BAIAP2L2: variants seen among roughly 807,000 people sequenced by gnomAD.
BAIAP2L2 encodes the protein BAR/IMD domain containing adaptor protein 2 like 2.
A neutral mutation model predicts 60.4 loss-of-function variants in BAIAP2L2; 65 were observed. That is an observed-to-expected ratio of 1.08 (90% CI 0.88 to 1.32). The LOEUF (loss-of-function observed/expected upper bound fraction) is 1.32, where lower values mean the gene tolerates loss of function less well. BAIAP2L2 is among the 40% of genes most tolerant of loss of function. BAIAP2L2 has a pLI of 0.00. For missense variants in BAIAP2L2, 836 were observed against 741.2 expected, an observed-to-expected ratio of 1.13 and a Z score of -1.48; for synonymous variants, 344 against 301.7, an observed-to-expected ratio of 1.14 and a Z score of -1.45.
rs553752701 is a variant in BAIAP2L2, at chr22:38,098,121, C to T, written c.407G>A (p.Cys136Tyr). The change falls in exon 6 of 14, where the codon TGC becomes TAC. Residue 136 changes from cysteine (C) to tyrosine (Y), a missense_variant. Transcript: ENST00000381669. ...CTCCATGCGCCACAGCTCAGACATG[C>T]ACTTCTCCAGGTTGGCCGCTCGGTG... Reference protein sequence around the residue: ...YRHRAANLEKCMSELWRMERK... With the variant: ...YRHRAANLEKYMSELWRMERK... 1.7e-5 allele frequency: 27 copies of T among 1,610,694 alleles called. No homozygotes were observed. The East Asian group carries it at 5.4e-4, about 32-fold the overall frequency.
rs757193419 is a variant in BAIAP2L2 at position 38,088,925 on chromosome 22, T to A, written c.941A>T (p.Asn314Ile). The change falls in exon 10 of 14, where the codon AAC becomes ATC. Residue 314 changes from asparagine (N) to isoleucine (I), a missense_variant. Transcript: ENST00000381669. ...YSGSAQSSRS[N>I]SFGERPGGGG... ...GCCGCCCGGGCGCTCGCCAAAGGAG[T>A]TGGAGCGCGAGCTTTGGGCGCTGCC... The A allele has an allele frequency of 1.2e-5, 18 of 1,545,370 alleles. No homozygotes were observed. The East Asian group carries it at 4.3e-4, about 37-fold the overall frequency.
chr22:38,086,225 G>A lies in BAIAP2L2; in HGVS notation c.1467+17C>T, dbSNP rs1339612152. 2.5e-6 allele frequency: 4 copies of A among 1,607,784 alleles called. No homozygotes were observed. The Admixed American group carries it at 6.7e-5, about 27-fold the overall frequency. ...CTGCCCGCTGGAGGCCCCAAGAGAG[G>A]GCGGGCAAGGGCTCACCTTGACGTC... is the stretch of plus-strand genomic sequence containing the variant. On this transcript the variant is annotated intron_variant, in intron 12 of 13. Transcript: ENST00000381669.
chr22:38,099,150 C>A (rs1321195093), intron 4 of BAIAP2L2, among the ~76,000 whole-genome samples: 1 of 152,236 alleles, frequency 6.6e-6, no homozygotes, highest in Non-Finnish European at 1.5e-5. Context: ...GAAGCTTCGT[C>A]CTCATTCTAG....
intron 4 of BAIAP2L2, among the ~76,000 whole-genome samples, chr22:38,104,055 T>C (rs2086616094): frequency 6.6e-6 from 1 of 152,196 alleles, no homozygotes; most frequent in Non-Finnish European, 1.5e-5. Flanking sequence ...CTTCAGAGGA[T>C]GACAGGGCAC....
At chr22:38,095,169 C>G (rs945502097) in intron 7 of BAIAP2L2, among the ~76,000 whole-genome samples, 1 of 152,026 alleles carries the variant, frequency 6.6e-6, no homozygotes, top group Non-Finnish European at 1.5e-5. Flanking sequence ...TAAATACATA[C>G]ACACATAAAT....
intron 4 of BAIAP2L2, among the ~76,000 whole-genome samples, chr22:38,099,247 G>A (rs1026649683): frequency 2.0e-5 from 3 of 152,226 alleles, no homozygotes; most frequent in African/African-American, 7.2e-5. Flanking sequence ...GGAAAGGCTT[G>A]ACCAGCCTGG....
rs1349616030 is a variant in BAIAP2L2, at chr22:38,085,006, A to G, written c.*294T>C. ...GGGCTCCTCCCCACGGGGGCAGAAA[A>G]GGGGGAAAGAGGTTAGGGGGCAAGA... On this transcript the variant is annotated 3_prime_UTR_variant, in exon 14 of 14. Transcript: ENST00000381669. 1.1e-5 allele frequency: 4 copies of G among 356,758 alleles called. No individual in the cohort carries two copies. The highest frequency in any genetic ancestry group is 1.0e-5 in the Non-Finnish European group (2 of 191,586). 22.1% of individuals were successfully genotyped at this position (356,758 alleles called of 1,614,324 possible). A position where few individuals can be genotyped will look rare whatever the true frequency, so the allele number is the denominator to read the frequency against.
At position 38,089,627 on chromosome 22, in the gene BAIAP2L2, A is replaced by G; in HGVS notation, c.660T>C (p.Ser220=). 1 of 1,232,992 alleles carries G rather than the reference A, an allele frequency of 8.1e-7. No homozygotes were observed. Among genetic ancestry groups the G allele is most frequent in the Non-Finnish European group, 1.0e-6 (1 of 989,050 alleles). The allele number at this position is 1,232,992 out of a possible 1,614,324, so 76.4% of individuals were successfully genotyped here. Residue 220 remains serine (S), a synonymous_variant, in exon 8 of 14, where the codon TCT becomes TCC. Transcript: ENST00000381669. ...QNRVLLWKEQ[S]EASRSPSRAH... ...CGCGCGACGGGCTGCGGCTGGCCTC[A>G]GACTGCTCCTTCCACAGCAGCACGC...
At chr22:38,109,342 C>T (rs562167223) in intron 1 of BAIAP2L2, 134 bp from the exon 2 acceptor site, 24 of 686,602 alleles carry the variant, frequency 3.5e-5, no homozygotes, top group South Asian at 2.8e-4. Flanking sequence ...CTTTGGGGGG[C>T]CCATCTACAA....
chr22:38,086,922 G>A (rs2086093774), intron 11 of BAIAP2L2, among the ~76,000 whole-genome samples: 1 of 151,454 alleles, frequency 6.6e-6, no homozygotes. Context: ...CTTGAATGCA[G>A]GAGGCAGAGG....
chr22:38,088,137 A>T (rs891665005), intron 10 of BAIAP2L2, among the ~76,000 whole-genome samples: 2 of 152,310 alleles, frequency 1.3e-5, no homozygotes, highest in African/African-American at 4.8e-5. Context: ...CCGAGGGGGC[A>T]CTGCCTGGCT....
At chr22:38,108,550 A>G (rs1569232353) in intron 2 of BAIAP2L2, among the ~76,000 whole-genome samples, 1 of 152,096 alleles carries the variant, frequency 6.6e-6, no homozygotes, top group Non-Finnish European at 1.5e-5. Context: ...CGTGGAAAGC[A>G]TCTAAGAAGC....
At chr22:38,096,920 C>G (rs1569224994) in intron 7 of BAIAP2L2, 112 bp downstream of exon 7, 3 of 1,247,738 alleles carry the variant, frequency 2.4e-6, no homozygotes, top group Non-Finnish European at 3.3e-6. Flanking sequence ...TTTCTACAGA[C>G]AGGCAGGCAG....
chr22:38,092,640 G>A (rs2086332937), intron 7 of BAIAP2L2, among the ~76,000 whole-genome samples: 1 of 152,148 alleles, frequency 6.6e-6, no homozygotes, highest in African/African-American at 2.4e-5. Context: ...TATCTTAGGA[G>A]TTAGATCTTG....
intron 4 of BAIAP2L2, among the ~76,000 whole-genome samples, chr22:38,101,623 G>A (rs1290948481): frequency 6.6e-6 from 1 of 150,532 alleles, no homozygotes; most frequent in Non-Finnish European, 1.5e-5. Flanking sequence ...GAAGGCCAAG[G>A]TGTGTGGATC....
chr22:38,085,209 G>T lies in BAIAP2L2; in HGVS notation c.*91C>A. ...CCCCCGTCTCAGGGACCCGCTTCTT[G>T]GATCTGCTGCTGTTGCTGCTGTCGC... On this transcript the variant is annotated 3_prime_UTR_variant, in exon 14 of 14. Transcript: ENST00000381669. 7.1e-7 allele frequency: 1 copy of T among 1,409,874 alleles called. No individual in the cohort carries two copies. Among genetic ancestry groups the T allele is most frequent in the Non-Finnish European group, 9.9e-7 (1 of 1,015,128 alleles). 87.3% of individuals were successfully genotyped at this position (1,409,874 alleles called of 1,614,324 possible).
chr22:38,110,706 G>A (rs973077318), upstream of BAIAP2L2: 21 of 577,266 alleles, frequency 3.6e-5, no homozygotes, highest in Admixed American at 5.4e-4. Context: ...TCACCAACTC[G>A]GGATGTCAGA....
At position 38,085,030 on chromosome 22, in the gene BAIAP2L2, G is replaced by A; in HGVS notation, c.*270C>T. On this transcript the variant is annotated 3_prime_UTR_variant, in exon 14 of 14. Coordinates refer to ENST00000381669, the MANE Select transcript of BAIAP2L2 (RefSeq NM_025045.6). ...AAGGGGGAAAGAGGTTAGGGGGCAA[G>A]AGGTGGGCCCCCCAGGGAGAGTCCT... is the stretch of plus-strand genomic sequence containing the variant. 1 of 445,208 alleles carries A rather than the reference G, an allele frequency of 2.2e-6. No homozygotes were observed. The highest frequency in any genetic ancestry group is 4.1e-6 in the Non-Finnish European group (1 of 243,600). The allele number at this position is 445,208 out of a possible 1,614,324, so 27.6% of individuals were successfully genotyped here. A position where few individuals can be genotyped will look rare whatever the true frequency, so the allele number is the denominator to read the frequency against.
chr22:38,108,185 A>G, intron 3 of BAIAP2L2, 70 bp downstream of exon 3: 4 of 1,424,768 alleles, frequency 2.8e-6, no homozygotes. Context: ...GGGACTCGGG[A>G]CATCCTGGAA....
Sources: allele counts gnomAD v4.1 joint callset (sites outside exome capture counted in the v4.1 genomes callset), GRCh38; gene constraint gnomAD v4.1.1; transcripts MANE v1.5; gene names NCBI Gene and HGNC (gene_info 2026-07-23, HGNC 2026-07-21).